Variants in YY1 observed in about 807,000 individuals in gnomAD.
The protein encoded by YY1 is YY1 transcription factor.
A neutral mutation model predicts 35.6 loss-of-function variants in YY1; 2 were observed. That is an observed-to-expected ratio of 0.06 (90% CI 0.02 to 0.18). The LOEUF is 0.18. YY1 is among the 10% of genes least tolerant of loss of function. YY1 has a pLI of 1.00. For missense variants in YY1, 322 were observed against 573.4 expected (o/e 0.56, Z 4.48); for synonymous variants, 268 against 238.9 (o/e 1.12, Z -1.12).
Position 100,240,053 on chromosome 14 carries a change from C to T in YY1, c.679+130C>T, listed in dbSNP as rs950593913. 85 of 759,136 alleles carry T rather than the reference C, an allele frequency of 1.1e-4. No individual in the cohort carries two copies. In the African/African-American group the frequency reaches 1.5e-3, roughly 13 times the overall value. The allele number at this position is 759,136 out of a possible 1,614,324, so 47.0% of individuals were successfully genotyped here. A position where few individuals can be genotyped will look rare whatever the true frequency, so the allele number is the denominator to read the frequency against. On this transcript the variant is annotated intron_variant, in intron 1 of 4. Transcript: ENST00000262238. ...ATGGCGGCCCCAAAAGATGGCGGGC[C>T]GTGCGGCGGCGGGGGCGCGGCGGCG...
rs1891358063 is a variant in YY1 at position 100,278,434 on chromosome 14, CAG to C, written c.*836_*837del. The C allele has an allele frequency of 6.6e-6, 1 of 152,534 alleles. No homozygotes were observed. The highest frequency in any genetic ancestry group is 1.5e-5 in the Non-Finnish European group (1 of 68,022). The allele number at this position is 152,534 out of a possible 1,614,324, so 9.4% of individuals were successfully genotyped here. A position where few individuals can be genotyped will look rare whatever the true frequency, so the allele number is the denominator to read the frequency against. On this transcript the variant is annotated 3_prime_UTR_variant, in exon 5 of 5. Coordinates refer to ENST00000262238, the MANE Select transcript of YY1 (RefSeq NM_003403.5). Reference sequence around the variant, plus strand: ...CACCTGATGTGTACATCCCATGTAACAGAAAGGGCAACAATAAAATAGCAATC... The same window carrying C: ...CACCTGATGTGTACATCCCATGTAACAAAGGGCAACAATAAAATAGCAATC...
In YY1 at chr14:100,239,346, G is replaced by T; in HGVS notation, c.102G>T (p.Glu34Asp). The T allele has an allele frequency of 1.2e-6, 2 of 1,604,560 alleles. No homozygotes were observed. Among genetic ancestry groups the T allele is most frequent in the Non-Finnish European group, 8.5e-7 (1 of 1,176,260 alleles). The change falls in exon 1 of 5, where the codon GAG becomes GAT. Residue 34 changes from glutamate (E) to aspartate (D), a missense_variant. Glu to Asp is a conservative substitution (Grantham distance 45). Around this residue, in one of 4 missense-constraint regions of YY1, gnomAD observed 137 missense variants for 167.0 expected, o/e 0.82. Transcript: ENST00000262238. ...HEIEVETIPV[E>D]TIETTVVGEE... ...TCGAGGTGGAGACCATCCCGGTGGA[G>T]ACCATCGAGACCACAGTGGTGGGCG...
chr14:100,244,076 C>G (rs887374861), intron 1 of YY1, among the ~76,000 whole-genome samples: 2 of 151,046 alleles, frequency 1.3e-5, no homozygotes, highest in African/African-American at 4.9e-5. Flanking sequence ...CCACTGCACT[C>G]CAGCCTGGGC....
intron 1 of YY1, among the ~76,000 whole-genome samples, chr14:100,241,102 G>A (rs1360135882): frequency 2.0e-5 from 3 of 152,130 alleles, no homozygotes; most frequent in Admixed American, 2.0e-4. Flanking sequence ...TTCAATGCTG[G>A]TTTTTTAGGT....
intron 1 of YY1, among the ~76,000 whole-genome samples, chr14:100,244,292 A>G (rs1311001840): frequency 6.8e-6 from 1 of 146,632 alleles, no homozygotes; most frequent in East Asian, 2.0e-4. Context: ...TAGGATCCTT[A>G]GAGATTGGCT....
chr14:100,240,072 G>A lies in YY1; in HGVS notation c.679+149G>A, dbSNP rs1258482257. 5 of 544,156 alleles carry A rather than the reference G, an allele frequency of 9.2e-6. No homozygotes were observed. The African/African-American group carries it at 1.0e-4, about 11-fold the overall frequency. 33.7% of individuals were successfully genotyped at this position (544,156 alleles called of 1,614,324 possible). ...GCGGGCCGTGCGGCGGCGGGGGCGC[G>A]GCGGCGGCGGCGGGCGGCGGGCCGC... On this transcript the variant is annotated intron_variant, in intron 1 of 4. Transcript: ENST00000262238.
In YY1 at chr14:100,263,539, A is replaced by C. The variant is rs560465847; in HGVS notation, c.842+1073A>C. 2.0e-5 allele frequency among the ~76,000 whole-genome samples: 3 copies of C among 152,320 alleles called. No homozygotes were observed. The South Asian group carries it at 6.2e-4, about 32-fold the overall frequency. ...TGGCAGTTTGTACAAGGAGCTGAAA[A>C]TACCACAAAGATGTAAACTTTTAAG... On this transcript the variant is annotated intron_variant, in intron 2 of 4. Transcript: ENST00000262238.
At chr14:100,247,711 G>C (rs567894038) in intron 1 of YY1, among the ~76,000 whole-genome samples, 1 of 152,206 alleles carries the variant, frequency 6.6e-6, no homozygotes. Context: ...ATAACAGCAC[G>C]TAAGGGGAGC....
At chr14:100,268,940 A>G (rs1891192752) in intron 2 of YY1, among the ~76,000 whole-genome samples, 1 of 152,232 alleles carries the variant, frequency 6.6e-6, no homozygotes, top group Non-Finnish European at 1.5e-5. Context: ...TTCGGTTTAC[A>G]CAATGCTCTG....
rs905889253 is a variant in YY1 at position 100,277,664 on chromosome 14, A to C, written c.*64A>C. On this transcript the variant is annotated 3_prime_UTR_variant, in exon 5 of 5. Transcript: ENST00000262238. The surrounding 1 kb of genome is among the most constrained non-coding windows in gnomAD (Gnocchi z 5.6). ...CTTCCAGAAGTGTGATTGGGAATAA[A>C]TATGCCTCTCCTTTGTATATTATTT... 4 of 1,508,792 alleles carry C rather than the reference A, an allele frequency of 2.7e-6. No individual in the cohort carries two copies. The African/African-American group carries it at 5.5e-5, about 21-fold the overall frequency. 93.5% of individuals were successfully genotyped at this position (1,508,792 alleles called of 1,614,324 possible). A position where few individuals can be genotyped will look rare whatever the true frequency, so the allele number is the denominator to read the frequency against.
Position 100,280,822 on chromosome 14 carries a change from G to A in YY1, c.*3222G>A, listed in dbSNP as rs1249266644. On this transcript the variant is annotated 3_prime_UTR_variant, in exon 5 of 5. Transcript: ENST00000262238. ...TGCGTACATTGGAGGACTGCCCCACGTCCGTTTGCACTCTGCCTTGCAAAA... is the reference window on the plus strand; with the variant it reads ...TGCGTACATTGGAGGACTGCCCCACATCCGTTTGCACTCTGCCTTGCAAAA... 3 of 152,016 alleles carry A rather than the reference G, an allele frequency of 2.0e-5. No homozygotes were observed. The highest frequency in any genetic ancestry group is 4.1e-4 in the South Asian group (2 of 4,822). The allele number at this position is 152,016 out of a possible 1,614,324, so 9.4% of individuals were successfully genotyped here.
In YY1 at chr14:100,268,977, C is replaced by G. The variant is rs187455224; in HGVS notation, c.843-5721C>G. ...TGATACTGTGCCAGAAGTTTGGGTT[C>G]TGAAGTCCACAATCTTTACAACGTT... On this transcript the variant is annotated intron_variant, in intron 2 of 4. Coordinates refer to ENST00000262238, the MANE Select transcript of YY1 (RefSeq NM_003403.5). Among the ~76,000 whole-genome samples, 220 of 152,332 alleles carry G rather than the reference C, an allele frequency of 1.4e-3. 1 individual carries two copies. Among genetic ancestry groups the G allele is most frequent in the Middle Eastern group, 3.4e-3 (1 of 294 alleles).
At position 100,246,499 on chromosome 14, in the gene YY1, G is replaced by A. The variant is rs994322598; in HGVS notation, c.679+6576G>A. The stretch of plus-strand genomic sequence containing the variant: ...GGGGTGGTGAGACCCCACCTGAGCT[G>A]TGACCTTCTGAGAGGAGACAAATTA... On this transcript the variant is annotated intron_variant, in intron 1 of 4. Coordinates refer to ENST00000262238, the MANE Select transcript of YY1 (RefSeq NM_003403.5). Among the ~76,000 whole-genome samples the A allele has an allele frequency of 4.6e-5, 7 of 152,310 alleles. No homozygotes were observed. In the Middle Eastern group the frequency reaches 0.01, roughly 222 times the overall value.
chr14:100,277,748 G>A lies in YY1; in HGVS notation c.*148G>A. The A allele has an allele frequency of 3.5e-6, 3 of 863,878 alleles. No homozygotes were observed. Among genetic ancestry groups the A allele is most frequent in the South Asian group, 1.7e-5 (1 of 59,200 alleles). 53.5% of individuals were successfully genotyped at this position (863,878 alleles called of 1,614,324 possible). ...CTAAGGGACATGTTTTGATAAAGTA[G>A]TAAAAATTAAAAAAAAAAAACTTTA... On this transcript the variant is annotated 3_prime_UTR_variant, in exon 5 of 5. Transcript: ENST00000262238. The surrounding 1 kb of genome is among the most constrained non-coding windows in gnomAD (Gnocchi z 5.6).
In YY1 at chr14:100,276,776, A is replaced by G; in HGVS notation, c.1062+128A>G. The stretch of plus-strand genomic sequence containing the variant: ...GGGTCTTATTACTCCTTGGTGAGAA[A>G]CAAAACTTCTCCTGGGGAGTCGCTT... On this transcript the variant is annotated intron_variant, in intron 4 of 4. Coordinates refer to ENST00000262238, the MANE Select transcript of YY1 (RefSeq NM_003403.5). This position sits in a 1 kb window ranked among gnomAD's most constrained non-coding sequence, Gnocchi z 4.1. 2 of 1,420,506 alleles carry G rather than the reference A, an allele frequency of 1.4e-6. No individual in the cohort carries two copies. The highest frequency in any genetic ancestry group is 1.9e-6 in the Non-Finnish European group (2 of 1,028,736). 88.0% of individuals were successfully genotyped at this position (1,420,506 alleles called of 1,614,324 possible).
intron 2 of YY1, among the ~76,000 whole-genome samples, chr14:100,264,697 G>C (rs1891129062): frequency 6.6e-6 from 1 of 152,220 alleles, no homozygotes; most frequent in South Asian, 2.1e-4. Flanking sequence ...CTTTGCAGCT[G>C]TCTGTGCAGG....
chr14:100,277,922 ACTT>A lies in YY1; in HGVS notation c.*326_*328del, dbSNP rs1891348290. The A allele has an allele frequency of 3.5e-6, 1 of 289,526 alleles. No individual in the cohort carries two copies. Among genetic ancestry groups the A allele is most frequent in the African/African-American group, 2.2e-5 (1 of 45,206 alleles). The allele number at this position is 289,526 out of a possible 1,614,324, so 17.9% of individuals were successfully genotyped here. A position where few individuals can be genotyped will look rare whatever the true frequency, so the allele number is the denominator to read the frequency against. Reference sequence around the variant, plus strand: ...TTTATACAACAGTGCTAAAAATGGGACTTCTTTTCACATTCTTATAAATATGAA... The same window carrying A: ...TTTATACAACAGTGCTAAAAATGGGACTTTTCACATTCTTATAAATATGAA... On this transcript the variant is annotated 3_prime_UTR_variant, in exon 5 of 5. Coordinates refer to ENST00000262238, the MANE Select transcript of YY1 (RefSeq NM_003403.5). This position sits in a 1 kb window ranked among gnomAD's most constrained non-coding sequence, Gnocchi z 5.6.
intron 2 of YY1, chr14:100,265,551 C>T (rs1393000916): frequency 6.6e-6 from 1 of 152,198 alleles, no homozygotes; most frequent in East Asian, 1.9e-4. Context: ...AACTTACTTC[C>T]TAAAAACCAC....
intron 2 of YY1, among the ~76,000 whole-genome samples, chr14:100,266,519 C>T (rs1419153812): frequency 6.6e-6 from 1 of 152,046 alleles, no homozygotes; most frequent in Non-Finnish European, 1.5e-5. Flanking sequence ...AAAAGTTTGT[C>T]CCCAGTCTTC....
Sources: gnomAD v4.1 joint callset for allele counts (sites outside exome capture counted in the v4.1 genomes callset) on GRCh38, gnomAD v4.1.1 for gene constraint, gnomAD v4.1.1 regional missense constraint, Gnocchi (gnomAD v3.1) non-coding constraint, MANE v1.5 for transcripts, NCBI Gene and HGNC (gene_info 2026-07-23, HGNC 2026-07-21) for gene names.